Variants in PITRM1 observed in about 807,000 individuals in gnomAD.
PITRM1 encodes the protein pitrilysin metallopeptidase 1.
A neutral mutation model predicts 129.9 loss-of-function variants in PITRM1; 100 were observed. The ratio of observed to expected loss-of-function variants is 0.77; its 90% CI spans 0.65 to 0.91. The LOEUF (loss-of-function observed/expected upper bound fraction) is 0.91. PITRM1 is among the 40% of genes least tolerant of loss of function. The pLI is 0.00. For missense variants in PITRM1, 1,471 were observed against 1,318.3 expected, an observed-to-expected ratio of 1.12 and a Z score of -1.79; for synonymous variants, 591 against 508.8, an observed-to-expected ratio of 1.16 and a Z score of -2.17.
chr10:3,139,147 T>C, intron 24 of PITRM1, 98 bp from the exon 25 acceptor site: 1 of 981,506 alleles, frequency 1.0e-6, no homozygotes. Flanking sequence ...TTCTATGGGT[T>C]AACAGCTCTA....
intron 14 of PITRM1, among the ~76,000 whole-genome samples, chr10:3,151,649 C>T (rs1277813750): frequency 6.6e-6 from 1 of 152,216 alleles, no homozygotes; most frequent in African/African-American, 2.4e-5. Flanking sequence ...TCCTGCACCC[C>T]TCCAAAGTTT....
chr10:3,165,942 TTAG>T (rs1305850008), intron 4 of PITRM1, among the ~76,000 whole-genome samples: 2 of 152,208 alleles, frequency 1.3e-5, no homozygotes, highest in Non-Finnish European at 2.9e-5. Context: ...AACATCAACA[TTAG>T]TAGTAACTCT....
chr10:3,156,070 C>T (rs773826704), intron 13 of PITRM1, among the ~76,000 whole-genome samples: 2 of 152,180 alleles, frequency 1.3e-5, no homozygotes, highest in Non-Finnish European at 2.9e-5. Flanking sequence ...TCAAGTACTA[C>T]AGATCTTGGA....
intron 7 of PITRM1, among the ~76,000 whole-genome samples, chr10:3,161,754 GAATA>G (rs1842457203): frequency 6.6e-6 from 1 of 150,986 alleles, no homozygotes. Context: ...GCATAAAAAT[GAATA>G]AATTCCATCT....
intron 20 of PITRM1, 51 bp downstream of exon 20, chr10:3,147,099 A>G (rs1253630239): frequency 2.0e-6 from 2 of 1,012,632 alleles, no homozygotes; most frequent in Non-Finnish European, 3.1e-6. Context: ...CCTAAAAACT[A>G]TACTTAATAG....
chr10:3,165,648 G>GC, intron 4 of PITRM1, 121 bp from the exon 5 acceptor site: 2 of 667,168 alleles, frequency 3.0e-6, no homozygotes, highest in Non-Finnish European at 5.2e-6. Flanking sequence ...TTGGGATGGG[G>GC]CAGTGGCCCC....
intron 6 of PITRM1, 70 bp downstream of exon 6, chr10:3,165,168 G>T: frequency 1.9e-6 from 2 of 1,031,550 alleles, no homozygotes; most frequent in Non-Finnish European, 2.8e-6. Context: ...TCTTCCAGAT[G>T]TGTCTATATC....
rs1351121026 is a variant in PITRM1, at chr10:3,155,665, T to C, written c.1547A>G (p.Gln516Arg). The C allele has an allele frequency of 3.1e-6, 5 of 1,613,850 alleles. No homozygotes were observed. The highest frequency in any genetic ancestry group is 2.7e-5 in the African/African-American group (2 of 74,932). ...PDDKYHEKQA[Q>R]VEATKLKQKV... ...CTGCTTGAGCTTCGTGGCTTCCACC[T>C]GTGCCTGCTTCTCGTGATACTTGTC... The change falls in exon 14 of 27, where the codon CAG becomes CGG. Residue 516 changes from glutamine to arginine, a missense_variant. Coordinates refer to ENST00000224949, the MANE Select transcript of PITRM1 (RefSeq NM_014889.4).
At chr10:3,140,873 G>A (rs2131811095) in intron 23 of PITRM1, 61 bp from the exon 24 acceptor site, 1 of 1,303,918 alleles carries the variant, frequency 7.7e-7, no homozygotes, top group Non-Finnish European at 1.1e-6. Context: ...AGACAATGAA[G>A]TAATTGTTGG....
intron 21 of PITRM1, among the ~76,000 whole-genome samples, chr10:3,144,682 G>T (rs1263037676): frequency 1.3e-5 from 2 of 152,088 alleles, no homozygotes; most frequent in Non-Finnish European, 2.9e-5. Flanking sequence ...GTGCACACCT[G>T]TAGCCCCAGC....
Position 3,147,200 on chromosome 10 carries a change from C to G in PITRM1, c.2286G>C (p.Leu762=), listed in dbSNP as rs565219735. 9 of 1,612,422 alleles carry G rather than the reference C, an allele frequency of 5.6e-6. No individual in the cohort carries two copies. In the South Asian group the frequency reaches 9.9e-5, roughly 18 times the overall value. ...IAEMTDIKPI[L]RKLPRIKKHL... ...GTTTCTTGATACGCGGGAGCTTCCTCAGGATGGGTTTGATATCTGTCATTT... is the reference window on the plus strand; with the variant it reads ...GTTTCTTGATACGCGGGAGCTTCCTGAGGATGGGTTTGATATCTGTCATTT... Residue 762 remains leucine, a synonymous_variant, in exon 20 of 27, where the codon CTG becomes CTC. Coordinates refer to ENST00000224949, the MANE Select transcript of PITRM1 (RefSeq NM_014889.4).
At chr10:3,138,359 C>G (rs371432219) in intron 25 of PITRM1, 22 bp from the exon 26 acceptor site, 6 of 1,555,790 alleles carry the variant, frequency 3.9e-6, no homozygotes, top group East Asian at 2.2e-5. Context: ...TCCACAGGCA[C>G]GATGGAGCCG....
chr10:3,139,619 G>A (rs143101749), intron 24 of PITRM1, among the ~76,000 whole-genome samples: 75 of 152,292 alleles, frequency 4.9e-4, no homozygotes, highest in African/African-American at 1.7e-3. Flanking sequence ...TCATCAGAGT[G>A]GCAATGGCTA....
At chr10:3,154,097 C>G (rs1296898327) in intron 14 of PITRM1, among the ~76,000 whole-genome samples, 1 of 152,230 alleles carries the variant, frequency 6.6e-6, no homozygotes, top group East Asian at 1.9e-4. Flanking sequence ...GTCCCTGCAG[C>G]TTTGCCACAT....
chr10:3,162,262 C>T (rs1380224032), intron 7 of PITRM1, among the ~76,000 whole-genome samples: 7 of 152,112 alleles, frequency 4.6e-5, no homozygotes, highest in African/African-American at 1.4e-4. Flanking sequence ...GGAGAGCAGC[C>T]GGCCCTGCCT....
intron 10 of PITRM1, 90 bp from the exon 11 acceptor site, chr10:3,158,243 C>T (rs1190864157): frequency 1.5e-5 from 11 of 743,626 alleles, no homozygotes; most frequent in Admixed American, 1.0e-4. Context: ...CAGAACGAAG[C>T]GCCTTAAACT....
chr10:3,166,155 C>T, intron 4 of PITRM1, 74 bp downstream of exon 4: 1 of 1,327,980 alleles, frequency 7.5e-7, no homozygotes, highest in African/African-American at 1.5e-5. Context: ...CATTCCTTCT[C>T]AGAAACTAAC....
intron 10 of PITRM1, among the ~76,000 whole-genome samples, chr10:3,158,636 G>A (rs1842169195): frequency 6.6e-6 from 1 of 152,178 alleles, no homozygotes; most frequent in Non-Finnish European, 1.5e-5. Flanking sequence ...TCTTTGTGCT[G>A]GGTGTTTTTC....
Position 3,138,919 on chromosome 10 carries a change from C to G in PITRM1, c.2902G>C (p.Ala968Pro), listed in dbSNP as rs755277217. Residue 968 changes from alanine to proline, a missense_variant, in exon 25 of 27, where the codon GCT becomes CCT. Ala to Pro is a conservative substitution (Grantham distance 27, BLOSUM62 -1). Coordinates refer to ENST00000224949, the MANE Select transcript of PITRM1 (RefSeq NM_014889.4). ...SVFSTVDAPV[A>P]PSDKGMDHFL... ...CTCAAAATACCTTTGTCTGAAGGAG[C>G]GACAGGAGCATCTACGGTTGAGAAG... 6.2e-7 allele frequency: 1 copy of G among 1,613,812 alleles called. No homozygotes were observed. The highest frequency in any genetic ancestry group is 1.1e-5 in the South Asian group (1 of 91,066).
Sources: allele counts gnomAD v4.1 joint callset (sites outside exome capture counted in the v4.1 genomes callset), GRCh38; gene constraint gnomAD v4.1.1; transcripts MANE v1.5; gene names NCBI Gene and HGNC (gene_info 2026-07-23, HGNC 2026-07-21).